FAT2: variants seen among roughly 807,000 people sequenced by gnomAD.
FAT2 encodes protocadherin Fat 2.
A neutral mutation model predicts 295.3 loss-of-function variants in FAT2; 150 were observed. The ratio of observed to expected loss-of-function variants is 0.51; its 90% CI spans 0.44 to 0.58. The LOEUF (loss-of-function observed/expected upper bound fraction) is 0.58. FAT2 is among the 20% of genes least tolerant of loss of function. The probability of loss-of-function intolerance (pLI) is 0.00; values close to 1 mark genes in which losing one functional copy is unlikely to be tolerated. For missense variants in FAT2, 4,868 were observed against 5,442.7 expected (o/e 0.89, Z 3.32); for synonymous variants, 2,026 against 2,150.3 (o/e 0.94, Z 1.60).
At chr5:151,541,999 AG>A (rs1561847697) in intron 10 of FAT2, among the ~76,000 whole-genome samples, 1 of 152,270 alleles carries the variant, frequency 6.6e-6, no homozygotes. Context: ...GACAGCAGTT[AG>A]AGTATGACTC....
chr5:151,569,267 T>G (rs1291740794), intron 1 of FAT2, among the ~76,000 whole-genome samples: 1 of 152,178 alleles, frequency 6.6e-6, no homozygotes, highest in Non-Finnish European at 1.5e-5. Flanking sequence ...TCCACATGAC[T>G]GGGGAGGCCC....
At chr5:151,576,704 G>A (rs1758760622) in intron 1 of FAT2, among the ~76,000 whole-genome samples, 1 of 152,212 alleles carries the variant, frequency 6.6e-6, no homozygotes, top group Admixed American at 6.5e-5. Context: ...AACTGTAAGT[G>A]AAAGAATGGT....
At chr5:151,530,802 G>A (rs1754508334) in intron 14 of FAT2, among the ~76,000 whole-genome samples, 1 of 152,216 alleles carries the variant, frequency 6.6e-6, no homozygotes, top group Non-Finnish European at 1.5e-5. Context: ...GGGCCAAAGG[G>A]TAAAGAGGAA....
chr5:151,548,088 A>G (rs1473873333), intron 9 of FAT2, among the ~76,000 whole-genome samples: 1 of 152,204 alleles, frequency 6.6e-6, no homozygotes, highest in African/African-American at 2.4e-5. Context: ...TATAATCCAT[A>G]TTCTTCTTCA....
intron 22 of FAT2, 127 bp downstream of exon 22, chr5:151,509,894 G>T: frequency 8.9e-7 from 1 of 1,119,462 alleles, no homozygotes; most frequent in South Asian, 1.7e-5. Context: ...CTAACAGATG[G>T]AAAAGGCCTA....
At chr5:151,592,632 T>C (rs1759457328), upstream of FAT2, among the ~76,000 whole-genome samples, 1 of 152,218 alleles carries the variant, frequency 6.6e-6, no homozygotes, top group African/African-American at 2.4e-5. Flanking sequence ...TTGTTAATGC[T>C]TTTATTATTA....
intron 9 of FAT2, among the ~76,000 whole-genome samples, chr5:151,546,860 G>A (rs1756691706): frequency 6.6e-6 from 1 of 152,068 alleles, no homozygotes; most frequent in Admixed American, 6.6e-5. Context: ...TTACAGGTGT[G>A]AGCCACCGTG....
Position 151,544,926 on chromosome 5 carries a change from G to A in FAT2, c.6201C>T (p.Pro2067=). The A allele has an allele frequency of 6.2e-7, 1 of 1,614,062 alleles. No homozygotes were observed. The highest frequency in any genetic ancestry group is 1.7e-5 in the Admixed American group (1 of 60,008). Residue 2067 remains proline, a synonymous_variant, in exon 10 of 24, where the codon CCC becomes CCT. Transcript: ENST00000261800. ...RVSIEDVNDN[P]PKFKHLPYYT... ...AATAGGGCAGATGCTTAAATTTGGG[G>A]GGATTGTCATTGACATCCTCAATAG...
In FAT2 at chr5:151,544,891, A is replaced by G. The variant is rs1027873420; in HGVS notation, c.6236T>C (p.Ile2079Thr). 6 of 1,614,020 alleles carry G rather than the reference A, an allele frequency of 3.7e-6. No homozygotes were observed. Among genetic ancestry groups the G allele is most frequent in the South Asian group, 2.2e-5 (2 of 91,082 alleles). ...ATCCCCTGGCTCTGTGCCATCTTGG[A>G]TGATTGTGTAATAGGGCAGATGCTT... ...KFKHLPYYTI[I>T]QDGTEPGDVL... The change falls in exon 10 of 24, where the codon ATC becomes ACC. Residue 2079 changes from isoleucine (I) to threonine (T), a missense_variant. Around this residue, in one of 5 missense-constraint regions of FAT2, gnomAD observed 3,297 missense variants for 3,669.4 expected, o/e 0.90. Transcript: ENST00000261800.
At position 151,568,460 on chromosome 5, in the gene FAT2, A is replaced by C; in HGVS notation, c.472T>G (p.Ser158Ala). 6.2e-7 allele frequency: 1 copy of C among 1,614,130 alleles called. No homozygotes were observed. The highest frequency in any genetic ancestry group is 8.5e-7 in the Non-Finnish European group (1 of 1,180,018). The change falls in exon 2 of 24, where the codon TCT becomes GCT. Residue 158 changes from serine (S) to alanine (A), a missense_variant. This residue lies in a region of FAT2 where 3,297 missense variants were observed against 3,669.4 expected (regional missense o/e 0.90). Transcript: ENST00000261800. ...GGGCTCTTCAGGGGCATGTCCTCAG[A>C]GATGGTGACTCTGTACGAAGGTGGA... ...FSPPSYRVTI[S>A]EDMPLKSPIC...
chr5:151,568,290 T>A lies in FAT2; in HGVS notation c.642A>T (p.Arg214=). The A allele has an allele frequency of 6.2e-7, 1 of 1,614,174 alleles. No homozygotes were observed. The highest frequency in any genetic ancestry group is 8.5e-7 in the Non-Finnish European group (1 of 1,180,032). The stretch of plus-strand genomic sequence containing the variant: ...CTAGCACCTGGAGCTCATGCTTTCC[T>A]CGCCAGGTGACGTTAAGCTTCCCAG... ...TVAGKLNVTW[R]GKHELQVLAV... The change falls in exon 2 of 24, where the codon CGA becomes CGT. Residue 214 remains arginine (R), a synonymous_variant. Transcript: ENST00000261800.
chr5:151,570,607 C>T (rs934781615), intron 1 of FAT2, among the ~76,000 whole-genome samples: 3 of 152,176 alleles, frequency 2.0e-5, no homozygotes, highest in Admixed American at 6.5e-5. Context: ...GCAGGAGGAG[C>T]GGGGCAGGGT....
rs147687475 is a variant in FAT2 at position 151,562,725 on chromosome 5, A to T, written c.3574+600T>A. On this transcript the variant is annotated intron_variant, in intron 3 of 23. Coordinates refer to ENST00000261800, the MANE Select transcript of FAT2 (RefSeq NM_001447.3). ...AAAAATAATTGTTTAAAGCTTAAGC[A>T]AATCAAACAAAACACCTCTAAGAGC... Among the ~76,000 whole-genome samples the T allele has an allele frequency of 1.8e-4, 27 of 152,386 alleles. No homozygotes were observed. The East Asian group carries it at 4.2e-3, about 24-fold the overall frequency.
chr5:151,537,323 A>AAG (rs1581371795), intron 12 of FAT2, among the ~76,000 whole-genome samples: 1 of 22,728 alleles, frequency 4.4e-5, no homozygotes, highest in Admixed American at 7.6e-4. Context: ...AAGAAAGAGA[A>AAG]AAAAAGAAAG....
At position 151,545,601 on chromosome 5, in the gene FAT2, G is replaced by A; in HGVS notation, c.5526C>T (p.Val1842=). 1 of 1,614,026 alleles carries A rather than the reference G, an allele frequency of 6.2e-7. No homozygotes were observed. The highest frequency in any genetic ancestry group is 8.5e-7 in the Non-Finnish European group (1 of 1,179,948). Residue 1842 remains valine (V), a synonymous_variant, in exon 10 of 24, where the codon GTC becomes GTT. Transcript: ENST00000261800. ...ATAATACAGGGCTTCCTTGGTCATG[G>A]ACATAGACACAGAATTGGAAAGAGG... ...SMPSFQFCVY[V]HDQGSPVLFA... is the part of the protein sequence containing the mutation.
chr5:151,586,049 G>A (rs1759155293), intron 1 of FAT2, among the ~76,000 whole-genome samples: 1 of 152,200 alleles, frequency 6.6e-6, no homozygotes, highest in Non-Finnish European at 1.5e-5. Flanking sequence ...CATCTCTACC[G>A]CTTCCTCAGG....
chr5:151,522,957 A>G (rs975465209), intron 18 of FAT2, among the ~76,000 whole-genome samples: 1 of 152,176 alleles, frequency 6.6e-6, no homozygotes, highest in Admixed American at 6.5e-5. Flanking sequence ...TGTAAATCAT[A>G]AACGCATTTT....
At chr5:151,546,732 T>G (rs1046884276) in intron 9 of FAT2, among the ~76,000 whole-genome samples, 2 of 152,170 alleles carry the variant, frequency 1.3e-5, no homozygotes, top group Admixed American at 6.5e-5. Flanking sequence ...ACTTTTTTTT[T>G]TTTTAGAGTC....
rs1756312111 is a variant in FAT2, at chr5:151,543,072, T to G, written c.8055A>C (p.Lys2685Asn). 1 of 1,614,058 alleles carries G rather than the reference T, an allele frequency of 6.2e-7. No individual in the cohort carries two copies. The highest frequency in any genetic ancestry group is 1.1e-5 in the South Asian group (1 of 91,078). The change falls in exon 10 of 24, where the codon AAA becomes AAC. Residue 2685 changes from lysine to asparagine, a missense_variant. Coordinates refer to ENST00000261800, the MANE Select transcript of FAT2 (RefSeq NM_001447.3). ...VPVRLQVVPKKVSLPKFSEPL... is the reference protein window; with the variant it reads ...VPVRLQVVPKNVSLPKFSEPL... ...GTTCAGAAAATTTCGGTAAGGATAC[T>G]TTTTTAGGAACCACCTGAAGTCGTA...
Sources: allele counts gnomAD v4.1 joint callset (sites outside exome capture counted in the v4.1 genomes callset), GRCh38; gene constraint gnomAD v4.1.1; regional missense constraint gnomAD v4.1.1; transcripts MANE v1.5; gene names NCBI Gene and HGNC (gene_info 2026-07-23, HGNC 2026-07-21).